The following ANKRD6 variants were observed in gnomAD, a reference collection of about 807,000 sequenced individuals.
The protein encoded by ANKRD6 is ankyrin repeat domain 6.
ANKRD6 carries 56 observed loss-of-function variants against 82.3 expected under a neutral mutation model. The ratio of observed to expected loss-of-function variants is 0.68; its 90% CI spans 0.55 to 0.85. The LOEUF is 0.85. Ranked by LOEUF, ANKRD6 falls within the 40% of genes least tolerant of loss-of-function variation. The probability of loss-of-function intolerance (pLI) is 0.00; values close to 1 mark genes in which losing one functional copy is unlikely to be tolerated. For missense variants in ANKRD6, 852 were observed against 907.6 expected, an observed-to-expected ratio of 0.94 and a Z score of 0.79; for synonymous variants, 347 against 352.1, an observed-to-expected ratio of 0.99 and a Z score of 0.16.
At chr6:89,473,042 C>T (rs371439472) in intron 1 of ANKRD6, among the ~76,000 whole-genome samples, 1 of 152,144 alleles carries the variant, frequency 6.6e-6, no homozygotes, top group African/African-American at 2.4e-5. Flanking sequence ...TTTTTCCTCC[C>T]TTGCCTATAC....
chr6:89,540,488 A>G (rs758730329), intron 1 of ANKRD6, among the ~76,000 whole-genome samples: 4 of 152,106 alleles, frequency 2.6e-5, no homozygotes, highest in Non-Finnish European at 5.9e-5. Flanking sequence ...TTATTTTCCT[A>G]TAGAGTTGTT....
At chr6:89,486,571 G>C (rs183688874) in intron 1 of ANKRD6, among the ~76,000 whole-genome samples, 1 of 152,106 alleles carries the variant, frequency 6.6e-6, no homozygotes, top group African/African-American at 2.4e-5. Flanking sequence ...AGTTCTGAGA[G>C]CTGGGACATT....
At chr6:89,579,096 G>A (rs1020700415) in intron 2 of ANKRD6, among the ~76,000 whole-genome samples, 3 of 152,168 alleles carry the variant, frequency 2.0e-5, no homozygotes, top group Non-Finnish European at 2.9e-5. Flanking sequence ...TGATGAAGGC[G>A]GTGTAGTGTA....
intron 1 of ANKRD6, among the ~76,000 whole-genome samples, chr6:89,510,382 G>GT (rs558675360): frequency 0.071 from 10,068 of 141,232 alleles, 645 homozygotes; most frequent in African/African-American, 0.18. Context: ...TTTCCAAATA[G>GT]TTTTTTTTTT....
At chr6:89,466,797 C>G (rs1449897417) in intron 1 of ANKRD6, among the ~76,000 whole-genome samples, 2 of 152,148 alleles carry the variant, frequency 1.3e-5, no homozygotes, top group East Asian at 3.9e-4. Flanking sequence ...GCCTCAACCT[C>G]CCAGGCTCAA....
chr6:89,435,714 G>A (rs1268081882), intron 1 of ANKRD6, among the ~76,000 whole-genome samples: 1 of 152,166 alleles, frequency 6.6e-6, no homozygotes, highest in African/African-American at 2.4e-5. Flanking sequence ...TAAAAGCTTT[G>A]CTTGAGTCCC....
chr6:89,606,493 C>T (rs1356312953), intron 5 of ANKRD6, among the ~76,000 whole-genome samples: 1 of 152,110 alleles, frequency 6.6e-6, no homozygotes, highest in Admixed American at 6.6e-5. Flanking sequence ...CTAGATGCTG[C>T]TGGGAAAGTG....
chr6:89,524,737 A>T (rs1175906079), intron 1 of ANKRD6, among the ~76,000 whole-genome samples: 1 of 152,170 alleles, frequency 6.6e-6, no homozygotes, highest in Non-Finnish European at 1.5e-5. Context: ...TTCTTTGGGT[A>T]GATACCCAGT....
At chr6:89,503,750 T>G (rs1192325510) in intron 1 of ANKRD6, among the ~76,000 whole-genome samples, 1 of 152,156 alleles carries the variant, frequency 6.6e-6, no homozygotes, top group African/African-American at 2.4e-5. Context: ...CATCACTGAT[T>G]AGGTAACATT....
At chr6:89,518,469 A>G (rs1216752906) in intron 1 of ANKRD6, among the ~76,000 whole-genome samples, 1 of 152,130 alleles carries the variant, frequency 6.6e-6, no homozygotes, top group African/African-American at 2.4e-5. Flanking sequence ...AGGAATGAAC[A>G]CGAGTCCATG....
chr6:89,527,618 A>AG (rs1437157238), intron 1 of ANKRD6, among the ~76,000 whole-genome samples: 1 of 151,192 alleles, frequency 6.6e-6, no homozygotes, highest in East Asian at 1.9e-4. Context: ...AAAAAAAAAA[A>AG]AAAAAAAAGA....
intron 1 of ANKRD6, among the ~76,000 whole-genome samples, chr6:89,473,776 C>T (rs962799671): frequency 2.0e-5 from 3 of 151,286 alleles, no homozygotes; most frequent in African/African-American, 7.3e-5. Context: ...GTCAGGAGTT[C>T]GAGACCAGCC....
chr6:89,547,300 G>C (rs1785225160), intron 1 of ANKRD6, among the ~76,000 whole-genome samples: 1 of 152,210 alleles, frequency 6.6e-6, no homozygotes, highest in African/African-American at 2.4e-5. Context: ...AACCACTGTT[G>C]GCAGCCCTTT....
At chr6:89,614,852 C>CAAA (rs1207448561) in intron 7 of ANKRD6, among the ~76,000 whole-genome samples, 27 of 118,172 alleles carry the variant, frequency 2.3e-4, no homozygotes, top group Admixed American at 1.7e-4. Context: ...AAAAAAAAAA[C>CAAA]AAAAAAAAAA....
chr6:89,621,823 G>T (rs1803434840), intron 9 of ANKRD6, 99 bp from the exon 10 acceptor site: 1 of 1,180,630 alleles, frequency 8.5e-7, no homozygotes, highest in Non-Finnish European at 1.2e-6. Flanking sequence ...CCTCTAAGCT[G>T]TAAATTCCAT....
chr6:89,473,256 C>T (rs1360209745), intron 1 of ANKRD6, among the ~76,000 whole-genome samples: 1 of 151,704 alleles, frequency 6.6e-6, no homozygotes, highest in Non-Finnish European at 1.5e-5. Context: ...ACTAAAAATA[C>T]AAAAATTAGC....
intron 1 of ANKRD6, among the ~76,000 whole-genome samples, chr6:89,530,144 A>G (rs1015357880): frequency 2.6e-5 from 4 of 152,064 alleles, no homozygotes; most frequent in African/African-American, 7.2e-5. Context: ...TGTCCCAGCA[A>G]CTTGAGAGGC....
At position 89,467,757 on chromosome 6, in the gene ANKRD6, T is replaced by C. The variant is rs1775012326; in HGVS notation, c.-144+34382T>C. On this transcript the variant is annotated intron_variant, in intron 1 of 15. Coordinates refer to ENST00000339746, the MANE Select transcript of ANKRD6 (RefSeq NM_001242809.2). ...AGTTATCCCAAGAGCTCCCCCTCTG[T>C]GGGCAGATAGATGATTGTTGCTCAG... 1.3e-5 allele frequency among the ~76,000 whole-genome samples: 2 copies of C among 152,186 alleles called. 1 individual carries two copies. Among genetic ancestry groups the C allele is most frequent in the South Asian group, 4.1e-4 (2 of 4,834 alleles).
intron 1 of ANKRD6, among the ~76,000 whole-genome samples, chr6:89,533,317 G>A (rs1783413062): frequency 6.6e-6 from 1 of 152,212 alleles, no homozygotes; most frequent in Non-Finnish European, 1.5e-5. Context: ...ACTTGTCCAA[G>A]GTCATGTAGT....
Sources: allele counts gnomAD v4.1 joint callset (sites outside exome capture counted in the v4.1 genomes callset), GRCh38; gene constraint gnomAD v4.1.1; transcripts MANE v1.5; gene names NCBI Gene and HGNC (gene_info 2026-07-23, HGNC 2026-07-21).